MAX: variants seen among roughly 807,000 people sequenced by gnomAD.
MAX encodes protein max.
In MAX, 3 loss-of-function variants were observed where a neutral mutation model predicts 22.3. The observed-to-expected ratio is 0.13, with a 90% CI of 0.06 to 0.35. The LOEUF (loss-of-function observed/expected upper bound fraction) is 0.35. Ranked by LOEUF, MAX falls within the 10% of genes least tolerant of loss-of-function variation. MAX has a pLI of 1.00. For missense variants in MAX, 119 were observed against 209.4 expected (o/e 0.57, Z 2.66); for synonymous variants, 72 against 77.7 (o/e 0.93, Z 0.39).
rs1189907080 is a variant in MAX, at chr14:65,055,533, G to A, written c.171+38175C>T. Among the ~76,000 whole-genome samples, 6 of 145,028 alleles carry A rather than the reference G, an allele frequency of 4.1e-5. No homozygotes were observed. The South Asian group carries it at 1.3e-3, about 32-fold the overall frequency. ...TTTTTTTAATTTTTAATTTTTTTTTGTGAGACAAAGTCTCACTCTGTCACC... is the reference window on the plus strand; with the variant it reads ...TTTTTTTAATTTTTAATTTTTTTTTATGAGACAAAGTCTCACTCTGTCACC... On this transcript the variant is annotated intron_variant, in intron 3 of 3. Coordinates refer to the MAX transcript ENST00000341653.
chr14:65,015,858 C>A, intron 3 of MAX: 1 of 881,198 alleles, frequency 1.1e-6, no homozygotes. Context: ...TGACCTCCGG[C>A]AACTTCCTGA....
intron 3 of MAX, among the ~76,000 whole-genome samples, chr14:65,016,928 T>TG (rs2061785641): frequency 6.9e-6 from 1 of 145,748 alleles, no homozygotes; most frequent in Non-Finnish European, 1.5e-5. Flanking sequence ...TGGTTTTTTT[T>TG]TTTTTTTTTT....
chr14:65,071,191 G>GAAAA (rs2139720658), downstream of MAX, among the ~76,000 whole-genome samples: 1 of 152,034 alleles, frequency 6.6e-6, no homozygotes, highest in African/African-American at 2.4e-5. This position sits in a 1 kb window ranked among gnomAD's most constrained non-coding sequence, Gnocchi z 4.2. Context: ...ACCCAGGCTG[G>GAAAA]AGTGCAGTGG....
chr14:65,097,125 AC>A, intron 2 of MAX, among the ~76,000 whole-genome samples: 1 of 152,324 alleles, frequency 6.6e-6, no homozygotes, highest in Middle Eastern at 3.4e-3. Context: ...TTATATTTCT[AC>A]CCAACTTTCC....
chr14:65,038,738 A>G (rs930506699), intron 3 of MAX, among the ~76,000 whole-genome samples: 2 of 152,322 alleles, frequency 1.3e-5, no homozygotes, highest in African/African-American at 4.8e-5. Flanking sequence ...AAATAAAAAT[A>G]AAAATATTTC....
At position 65,077,036 on chromosome 14, in the gene MAX, G is replaced by A; in HGVS notation, c.296-373C>T. The A allele has an allele frequency of 1.8e-6, 1 of 547,824 alleles. No homozygotes were observed. The highest frequency in any genetic ancestry group is 3.3e-6 in the Non-Finnish European group (1 of 307,104). 33.9% of individuals were successfully genotyped at this position (547,824 alleles called of 1,614,324 possible). ...GAGCATGAGGCTCCACAAGGTGTGAGGCCACACAACAGCAGGAAAGGATGA... is the reference window on the plus strand; with the variant it reads ...GAGCATGAGGCTCCACAAGGTGTGAAGCCACACAACAGCAGGAAAGGATGA... On this transcript the variant is annotated intron_variant, in intron 4 of 4. Coordinates refer to ENST00000358664, the MANE Select transcript of MAX (RefSeq NM_002382.5). The surrounding 1 kb of genome is among the most constrained non-coding windows in gnomAD (Gnocchi z 6.3).
rs1405715852 is a variant in MAX at position 65,076,769 on chromosome 14, G to GC, written c.296-107dup. The GC allele has an allele frequency of 7.4e-7, 1 of 1,350,238 alleles. No homozygotes were observed. The highest frequency in any genetic ancestry group is 1.4e-5 in the African/African-American group (1 of 69,706). The allele number at this position is 1,350,238 out of a possible 1,614,324, so 83.6% of individuals were successfully genotyped here. ...GTTCTTCCTAAGGGCTTGCTTGTTGGCCCCCGAGGCTCAAGATGCTCAGAA... is the reference window on the plus strand; with the variant it reads ...GTTCTTCCTAAGGGCTTGCTTGTTGGCCCCCCGAGGCTCAAGATGCTCAGAA... On this transcript the variant is annotated intron_variant, in intron 4 of 4. Transcript: ENST00000358664. This position sits in a 1 kb window ranked among gnomAD's most constrained non-coding sequence, Gnocchi z 6.6.
chr14:65,012,234 C>T lies in MAX; in HGVS notation c.172-5950G>A. 6.5e-7 allele frequency: 1 copy of T among 1,540,444 alleles called. No homozygotes were observed. The highest frequency in any genetic ancestry group is 8.9e-7 in the Non-Finnish European group (1 of 1,117,326). ...GGACGTCCTGAAGCTGAGTGTTTAC[C>T]CGTGTGTGTGTACGTGCACATACGT... is the stretch of plus-strand genomic sequence containing the variant. On this transcript the variant is annotated intron_variant, in intron 3 of 3. Transcript: ENST00000341653. This position sits in a 1 kb window ranked among gnomAD's most constrained non-coding sequence, Gnocchi z 5.0.
chr14:65,095,623 A>G (rs973587583), intron 2 of MAX, among the ~76,000 whole-genome samples: 4 of 152,178 alleles, frequency 2.6e-5, no homozygotes, highest in Non-Finnish European at 2.9e-5. Flanking sequence ...CCAAGAGACA[A>G]TATTTGGCAT....
rs372991110 is a variant in MAX, at chr14:65,015,090, CTTTT to C, written c.172-8810_172-8807del. Among the ~76,000 whole-genome samples, 359 of 149,522 alleles carry C rather than the reference CTTTT, an allele frequency of 2.4e-3. 2 individuals are homozygous for C. The highest frequency in any genetic ancestry group is 8.5e-3 in the African/African-American group (340 of 40,014). On this transcript the variant is annotated intron_variant, in intron 3 of 3. Transcript: ENST00000341653. ...GTCATCTTTTTTTTAATCCTGTTGT[CTTTT>C]TTTTCTTTTCTTTCTTTTTTTTTTT...
intron 3 of MAX, among the ~76,000 whole-genome samples, chr14:65,013,734 G>A (rs928292324): frequency 1.3e-5 from 2 of 152,158 alleles, no homozygotes; most frequent in African/African-American, 2.4e-5. Flanking sequence ...TTTTAGTAGA[G>A]ACAGGGTTTC....
At chr14:65,061,709 C>G in intron 3 of MAX, 1 of 186,248 alleles carries the variant, frequency 5.4e-6, no homozygotes, top group South Asian at 1.2e-4. Flanking sequence ...ACTGGGTGCC[C>G]TCCGATGGGT....
rs758348521 is a variant in MAX, at chr14:65,044,268, C to G, written c.172-37984G>C. On this transcript the variant is annotated intron_variant, in intron 3 of 3. Transcript: ENST00000341653. This position sits in a 1 kb window ranked among gnomAD's most constrained non-coding sequence, Gnocchi z 5.5. Reference sequence around the variant, plus strand: ...GAGATTCTGTCGGGCTGGATTTTGTCTCTTTTAGCCTACAACTGCCTTTCC... The same window carrying G: ...GAGATTCTGTCGGGCTGGATTTTGTGTCTTTTAGCCTACAACTGCCTTTCC... 6.2e-7 allele frequency: 1 copy of G among 1,606,514 alleles called. No homozygotes were observed. Among genetic ancestry groups the G allele is most frequent in the Non-Finnish European group, 8.5e-7 (1 of 1,177,036 alleles).
intron 3 of MAX, among the ~76,000 whole-genome samples, chr14:65,019,258 A>G (rs989785491): frequency 2.6e-5 from 4 of 152,046 alleles, no homozygotes; most frequent in Non-Finnish European, 5.9e-5. Flanking sequence ...AGGCTGAGAC[A>G]GGCGGATTAC....
rs1238442288 is a variant in MAX at position 65,054,463 on chromosome 14, G to A, written c.171+39245C>T. 11 of 1,093,270 alleles carry A rather than the reference G, an allele frequency of 1.0e-5. No homozygotes were observed. The highest frequency in any genetic ancestry group is 2.2e-5 in the Admixed American group (1 of 45,870). 67.7% of individuals were successfully genotyped at this position (1,093,270 alleles called of 1,614,324 possible). Reference sequence around the variant, plus strand: ...AAACCATGCCTCCTCTAGCCACATGGAGGATGGGGGGGGACGTGTGATTGC... The same window carrying A: ...AAACCATGCCTCCTCTAGCCACATGAAGGATGGGGGGGGACGTGTGATTGC... On this transcript the variant is annotated intron_variant, in intron 3 of 3. Coordinates refer to the MAX transcript ENST00000341653. This position sits in a 1 kb window ranked among gnomAD's most constrained non-coding sequence, Gnocchi z 4.4.
chr14:65,061,389 C>T (rs1249121969), intron 3 of MAX: 3 of 1,588,932 alleles, frequency 1.9e-6, no homozygotes, highest in East Asian at 4.5e-5. Flanking sequence ...ATACATACTG[C>T]ATTCTGTGCT....
At chr14:65,072,859 A>C (rs2063003866), downstream of MAX, among the ~76,000 whole-genome samples, 1 of 152,254 alleles carries the variant, frequency 6.6e-6, no homozygotes, top group Admixed American at 6.5e-5. Flanking sequence ...AGAGTTTGTC[A>C]GTCCAGTCCT....
rs899909670 is a variant in MAX, at chr14:65,069,356, G to A, written c.171+24352C>T. The stretch of plus-strand genomic sequence containing the variant: ...AGAGCTTGAGAAGCGATGACCTGGT[G>A]GCCCTGCCCCTCCCATAGTGCCAAA... On this transcript the variant is annotated intron_variant, in intron 3 of 3. Coordinates refer to the MAX transcript ENST00000341653. This position sits in a 1 kb window ranked among gnomAD's most constrained non-coding sequence, Gnocchi z 4.6. Among the ~76,000 whole-genome samples the A allele has an allele frequency of 2.0e-5, 3 of 152,138 alleles. No homozygotes were observed. The highest frequency in any genetic ancestry group is 7.2e-5 in the African/African-American group (3 of 41,426).
chr14:65,064,106 T>C (rs1307535347), intron 3 of MAX, among the ~76,000 whole-genome samples: 1 of 152,174 alleles, frequency 6.6e-6, no homozygotes, highest in East Asian at 1.9e-4. Flanking sequence ...ACCCCTGAGA[T>C]AATAATACCA....
Sources: gnomAD v4.1 joint callset for allele counts (sites outside exome capture counted in the v4.1 genomes callset) on GRCh38, gnomAD v4.1.1 for gene constraint, Gnocchi (gnomAD v3.1) non-coding constraint, MANE v1.5 for transcripts, NCBI Gene and HGNC (gene_info 2026-07-23, HGNC 2026-07-21) for gene names.